The following PHF3 variants were observed in gnomAD, a reference collection of about 807,000 sequenced individuals.
The protein encoded by PHF3 is PHD finger protein 3.
PHF3 carries 41 observed loss-of-function variants against 178.4 expected under a neutral mutation model. That is an observed-to-expected ratio of 0.23 (90% confidence interval 0.18 to 0.30). PHF3 has a LOEUF of 0.30. Among genes scored for constraint, PHF3 ranks in the 10% least tolerant of loss-of-function variants. The pLI, the probability that PHF3 is intolerant of heterozygous loss-of-function variation, is 1.00. For missense variants in PHF3, 2,346 were observed against 2,398.1 expected (o/e 0.98, Z 0.45); for synonymous variants, 842 against 800.5 (o/e 1.05, Z -0.88).
rs765344788 is a variant in PHF3 at position 63,721,835 on chromosome 6, T to G, written c.*8127T>G. ...AAACAGTAAGTTTGATTAGCAACAG[T>G]AAAAGTTTCCATTGAAAACTTTTGC... On this transcript the variant is annotated 3_prime_UTR_variant, in exon 16 of 16. Coordinates refer to ENST00000262043, the MANE Select transcript of PHF3 (RefSeq NM_001370348.2). The G allele has an allele frequency of 6.0e-6, 9 of 1,499,112 alleles. No homozygotes were observed. Among genetic ancestry groups the G allele is most frequent in the Non-Finnish European group, 5.3e-6 (6 of 1,124,196 alleles). 92.9% of individuals were successfully genotyped at this position (1,499,112 alleles called of 1,614,324 possible).
intron 2 of PHF3, among the ~76,000 whole-genome samples, chr6:63,659,607 T>C (rs1262365902): frequency 2.0e-5 from 3 of 152,216 alleles, no homozygotes; most frequent in Non-Finnish European, 2.9e-5. Flanking sequence ...ACAGGTTGAG[T>C]ATCCCTTACC....
rs1229869900 is a variant in PHF3 at position 63,722,394 on chromosome 6, AG to A, written c.*8688del. 6.6e-6 allele frequency among the ~76,000 whole-genome samples: 1 copy of A among 152,166 alleles called. No homozygotes were observed. Among genetic ancestry groups the A allele is most frequent in the African/African-American group, 2.4e-5 (1 of 41,438 alleles). ...TTTCCTTGATTTCCCAGAGCTGGTC[AG>A]GAATTTTTTTCTGTCAGTGCCTTAA... On this transcript the variant is annotated 3_prime_UTR_variant, in exon 16 of 16. Transcript: ENST00000262043.
chr6:63,671,938 G>A (rs1765936141), intron 2 of PHF3, among the ~76,000 whole-genome samples: 1 of 152,026 alleles, frequency 6.6e-6, no homozygotes, highest in African/African-American at 2.4e-5. Context: ...GTAGAGATGG[G>A]GTTTCACCAT....
Position 63,720,564 on chromosome 6 carries a change from GTA to G in PHF3, c.*6859_*6860del. ...TAACTATCAAAATAACTGCATTTAT[GTA>G]TAGTGTGTACTAAAATCTCTAGTGT... On this transcript the variant is annotated 3_prime_UTR_variant, in exon 16 of 16. Transcript: ENST00000262043. 2.1e-6 allele frequency: 3 copies of G among 1,402,276 alleles called. No individual in the cohort carries two copies. The highest frequency in any genetic ancestry group is 2.8e-6 in the Non-Finnish European group (3 of 1,054,424). 86.9% of individuals were successfully genotyped at this position (1,402,276 alleles called of 1,614,324 possible). A position where few individuals can be genotyped will look rare whatever the true frequency, so the allele number is the denominator to read the frequency against.
chr6:63,713,146 T>C lies in PHF3; in HGVS notation c.5558T>C (p.Val1853Ala). ...TTTGGCTTTGCTCAAAATCCCATGG[T>C]TCCCTGGCCACCTGTTGTTCATCTC... The part of the protein sequence containing the change: ...PGFGFAQNPM[V>A]PWPPVVHLPG... Residue 1853 changes from valine to alanine, a missense_variant, in exon 16 of 16, where the codon GTT becomes GCT. This residue lies in a region of PHF3 where 839 missense variants were observed against 806.9 expected (regional missense o/e 1.04). Coordinates refer to ENST00000262043, the MANE Select transcript of PHF3 (RefSeq NM_001370348.2). 1 of 1,614,018 alleles carries C rather than the reference T, an allele frequency of 6.2e-7. No individual in the cohort carries two copies.
chr6:63,700,487 G>C (rs1767424288), intron 9 of PHF3, 21 bp downstream of exon 9: 3 of 1,232,508 alleles, frequency 2.4e-6, no homozygotes, highest in Non-Finnish European at 3.5e-6. Context: ...CTATAAATAT[G>C]CATTTGACTA....
rs1452676999 is a variant in PHF3, at chr6:63,722,543, A to G, written c.*8835A>G. 2.0e-5 allele frequency among the ~76,000 whole-genome samples: 3 copies of G among 152,226 alleles called. No individual in the cohort carries two copies. Among genetic ancestry groups the G allele is most frequent in the Non-Finnish European group, 4.4e-5 (3 of 68,038 alleles). ...AATGAGGCATTCAGAAGAAAAGTAAAGGCAATTCTGCAAGCTTGGAAAAAG... is the reference window on the plus strand; with the variant it reads ...AATGAGGCATTCAGAAGAAAAGTAAGGGCAATTCTGCAAGCTTGGAAAAAG... On this transcript the variant is annotated 3_prime_UTR_variant, in exon 16 of 16. Coordinates refer to ENST00000262043, the MANE Select transcript of PHF3 (RefSeq NM_001370348.2).
chr6:63,662,345 T>C (rs1194011931), intron 2 of PHF3, among the ~76,000 whole-genome samples: 1 of 152,226 alleles, frequency 6.6e-6, no homozygotes, highest in African/African-American at 2.4e-5. Flanking sequence ...CATTTTGGTA[T>C]AATTTTTGTT....
In PHF3 at chr6:63,635,881, G is replaced by C. The variant is rs1200878842; in HGVS notation, c.-295G>C. 2.5e-6 allele frequency: 1 copy of C among 397,636 alleles called. No individual in the cohort carries two copies. Among genetic ancestry groups the C allele is most frequent in the East Asian group, 3.6e-5 (1 of 27,992 alleles). 24.6% of individuals were successfully genotyped at this position (397,636 alleles called of 1,614,324 possible). The stretch of plus-strand genomic sequence containing the variant: ...GATGGCTGCGGGGTCTCGCGCCGTC[G>C]CACCGTCCCCACGCGGCAAGCGACC... On this transcript the variant is annotated 5_prime_UTR_variant, in exon 1 of 16. Coordinates refer to ENST00000262043, the MANE Select transcript of PHF3 (RefSeq NM_001370348.2).
chr6:63,683,710 A>G (rs998362713), intron 3 of PHF3, among the ~76,000 whole-genome samples: 1 of 152,002 alleles, frequency 6.6e-6, no homozygotes, highest in Non-Finnish European at 1.5e-5. Flanking sequence ...ACTGGAATAT[A>G]TTTGGTTTTA....
rs781674122 is a variant in PHF3, at chr6:63,641,760, C to G, written c.-25-4767C>G. Among the ~76,000 whole-genome samples, 3 of 151,854 alleles carry G rather than the reference C, an allele frequency of 2.0e-5. No homozygotes were observed. The South Asian group carries it at 6.2e-4, about 32-fold the overall frequency. ...TCAAGCTATTCTCCCACCTCAGCCT[C>G]GGATTACAGGCATGCACCACCACAC... On this transcript the variant is annotated intron_variant, in intron 1 of 15. Transcript: ENST00000262043.
intron 13 of PHF3, among the ~76,000 whole-genome samples, chr6:63,707,712 A>G (rs187670454): frequency 5.4e-5 from 8 of 149,468 alleles, no homozygotes; most frequent in African/African-American, 1.2e-4. Context: ...AAAAGCCTAA[A>G]TCATTTGCCT....
intron 2 of PHF3, among the ~76,000 whole-genome samples, chr6:63,655,149 C>T (rs1345387090): frequency 2.6e-5 from 4 of 151,976 alleles, no homozygotes; most frequent in Admixed American, 6.6e-5. Flanking sequence ...CTGCAACCTC[C>T]GCCTCCCGGG....
intron 9 of PHF3, 56 bp downstream of exon 9, chr6:63,700,522 T>A (rs1196726801): frequency 8.4e-6 from 8 of 947,974 alleles, no homozygotes; most frequent in Non-Finnish European, 3.4e-6. Flanking sequence ...TTTCAGCCAT[T>A]GGGTAAAAAT....
intron 2 of PHF3, among the ~76,000 whole-genome samples, chr6:63,650,572 A>G (rs1211155256): frequency 6.6e-6 from 1 of 152,192 alleles, no homozygotes; most frequent in Non-Finnish European, 1.5e-5. Flanking sequence ...TACTTGTAAT[A>G]TATGTTAAGA....
rs570913681 is a variant in PHF3, at chr6:63,670,280, T to G, written c.245-9720T>G. The stretch of plus-strand genomic sequence containing the variant: ...GTTTTTTGTTTTTTTGTTTTTTTGC[T>G]TTTTTGAGATGGAGTCTCGCTCTTA... On this transcript the variant is annotated intron_variant, in intron 2 of 15. Coordinates refer to ENST00000262043, the MANE Select transcript of PHF3 (RefSeq NM_001370348.2). Among the ~76,000 whole-genome samples the G allele has an allele frequency of 6.6e-5, 10 of 152,308 alleles. No individual in the cohort carries two copies. In the South Asian group the frequency reaches 1.4e-3, roughly 22 times the overall value.
chr6:63,683,436 G>A (rs781298370), intron 3 of PHF3, among the ~76,000 whole-genome samples: 23 of 152,050 alleles, frequency 1.5e-4, no homozygotes, highest in Non-Finnish European at 2.9e-4. Flanking sequence ...ACTATTAGGA[G>A]CATTGTGTGG....
chr6:63,664,531 T>A (rs1396835903), intron 2 of PHF3, among the ~76,000 whole-genome samples: 1 of 152,234 alleles, frequency 6.6e-6, no homozygotes, highest in Non-Finnish European at 1.5e-5. Flanking sequence ...TTTATATTAC[T>A]TGTCTTACTG....
At chr6:63,704,847 G>T (rs1767623576) in intron 11 of PHF3, among the ~76,000 whole-genome samples, 1 of 152,074 alleles carries the variant, frequency 6.6e-6, no homozygotes, top group African/African-American at 2.4e-5. Flanking sequence ...GAGCCATTTT[G>T]CCTTCCTGCC....
Sources: allele counts gnomAD v4.1 joint callset (sites outside exome capture counted in the v4.1 genomes callset), GRCh38; gene constraint gnomAD v4.1.1; regional missense constraint gnomAD v4.1.1; transcripts MANE v1.5; gene names NCBI Gene and HGNC (gene_info 2026-07-23, HGNC 2026-07-21).